COL21A1: variants seen among roughly 807,000 people sequenced by gnomAD.
COL21A1 encodes collagen alpha-1(XXI) chain.
A neutral mutation model predicts 137.9 loss-of-function variants in COL21A1; 149 were observed. The ratio of observed to expected loss-of-function variants is 1.08; its 90% CI spans 0.95 to 1.24. The LOEUF (loss-of-function observed/expected upper bound fraction) is 1.24, where lower values mean the gene tolerates loss of function less well. COL21A1 is among the 50% of genes most tolerant of loss of function. COL21A1 has a pLI of 0.00. For missense variants in COL21A1, 1,167 were observed against 1,158.4 expected (o/e 1.01, Z -0.11); for synonymous variants, 456 against 391.5 (o/e 1.16, Z -1.95).
chr6:56,127,457 C>T (rs1773137633), intron 12 of COL21A1, among the ~76,000 whole-genome samples: 2 of 152,026 alleles, frequency 1.3e-5, no homozygotes, highest in African/African-American at 2.4e-5. Flanking sequence ...ATCTCCTAGA[C>T]CTGTCTCATT....
At chr6:56,274,891 A>C (rs1008179791) in intron 1 of COL21A1, among the ~76,000 whole-genome samples, 4 of 152,150 alleles carry the variant, frequency 2.6e-5, no homozygotes, top group Non-Finnish European at 5.9e-5. Flanking sequence ...CCAAAAAAAA[A>C]GCCCAAAGAG....
chr6:56,126,213 T>C (rs1773042428), intron 12 of COL21A1, 64 bp from the exon 13 acceptor site: 10 of 1,057,278 alleles, frequency 9.5e-6, no homozygotes, highest in Non-Finnish European at 1.4e-5. Flanking sequence ...TATCATCATC[T>C]ATTCTTCAAC....
At chr6:56,301,681 A>G (rs573400208) in intron 1 of COL21A1, among the ~76,000 whole-genome samples, 4 of 151,822 alleles carry the variant, frequency 2.6e-5, no homozygotes, top group African/African-American at 7.2e-5. Context: ...GCCACTAACC[A>G]CATGTGGCTA....
At chr6:56,355,676 G>A (rs535687740) in intron 1 of COL21A1, among the ~76,000 whole-genome samples, 1 of 152,288 alleles carries the variant, frequency 6.6e-6, no homozygotes, top group South Asian at 2.1e-4. Flanking sequence ...TCAGAAACAA[G>A]TTTTTGTAGA....
intron 1 of COL21A1, among the ~76,000 whole-genome samples, chr6:56,234,682 C>T (rs1429955043): frequency 6.6e-6 from 1 of 151,730 alleles, no homozygotes; most frequent in African/African-American, 2.4e-5. Context: ...TAATGACCTC[C>T]TCATTTCCCA....
At chr6:56,257,416 T>C in intron 1 of COL21A1, among the ~76,000 whole-genome samples, 1 of 141,356 alleles carries the variant, frequency 7.1e-6, no homozygotes, top group East Asian at 2.0e-4. Flanking sequence ...TTTAGGAAAA[T>C]ACCCAATAGA....
chr6:56,064,221 A>G (rs937965077), intron 24 of COL21A1, among the ~76,000 whole-genome samples: 1 of 152,074 alleles, frequency 6.6e-6, no homozygotes, highest in Non-Finnish European at 1.5e-5. Context: ...CAAGAAGAAA[A>G]GCAAGACAAA....
chr6:56,311,528 T>C (rs909014035), intron 1 of COL21A1, among the ~76,000 whole-genome samples: 5 of 152,228 alleles, frequency 3.3e-5, no homozygotes, highest in African/African-American at 1.2e-4. Context: ...AATGGACCTG[T>C]AGTACCACTC....
intron 17 of COL21A1, among the ~76,000 whole-genome samples, chr6:56,087,170 A>C (rs1768343665): frequency 6.6e-6 from 1 of 152,166 alleles, no homozygotes; most frequent in Non-Finnish European, 1.5e-5. Context: ...GATCATGTAC[A>C]ACATTTAGAC....
At chr6:56,269,384 G>A (rs1409781416) in intron 1 of COL21A1, among the ~76,000 whole-genome samples, 7 of 152,098 alleles carry the variant, frequency 4.6e-5, no homozygotes, top group African/African-American at 9.7e-5. Context: ...GGCCGGGCGC[G>A]GTGGCTCACG....
rs372849150 is a variant in COL21A1 at position 56,153,814 on chromosome 6, T to C, written c.1434+3073A>G. On this transcript the variant is annotated intron_variant, in intron 10 of 29. Coordinates refer to ENST00000244728, the MANE Select transcript of COL21A1 (RefSeq NM_030820.4). ...ATAAGTCCTTCCCAAATTCCTGGGC[T>C]GGACCCACTTTCTCTTTTTCACCTG... Among the ~76,000 whole-genome samples, 7 of 152,316 alleles carry C rather than the reference T, an allele frequency of 4.6e-5. No homozygotes were observed. The East Asian group carries it at 1.4e-3, about 29-fold the overall frequency.
chr6:56,179,741 T>C lies in COL21A1; in HGVS notation c.477A>G (p.Arg159=). 1 of 1,613,974 alleles carries C rather than the reference T, an allele frequency of 6.2e-7. No individual in the cohort carries two copies. Among genetic ancestry groups the C allele is most frequent in the South Asian group, 1.1e-5 (1 of 91,078 alleles). Residue 159 remains arginine (R), a synonymous_variant, in exon 3 of 30, where the codon AGA becomes AGG. Coordinates refer to ENST00000244728, the MANE Select transcript of COL21A1 (RefSeq NM_030820.4). ...DDVKDAAQAA[R]DSKITLFAIG... is the part of the protein sequence containing the mutation. ...TAGCAAATAATGTTATCTTACTATC[T>C]CTTGCTGCTTGAGCTGCATCCTTGA...
chr6:56,250,122 A>G (rs1329125899), upstream of COL21A1, among the ~76,000 whole-genome samples: 1 of 152,222 alleles, frequency 6.6e-6, no homozygotes, highest in East Asian at 1.9e-4. Flanking sequence ...CCCATTTCCA[A>G]AATATGCCAT....
chr6:56,384,648 T>G (rs906093177), intron 1 of COL21A1, among the ~76,000 whole-genome samples: 2 of 152,204 alleles, frequency 1.3e-5, no homozygotes, highest in Non-Finnish European at 2.9e-5. Flanking sequence ...AACAACAGAT[T>G]CTGTGTAGAA....
chr6:56,393,262 C>T (rs949375267), intron 1 of COL21A1, among the ~76,000 whole-genome samples: 7 of 152,062 alleles, frequency 4.6e-5, no homozygotes, highest in Admixed American at 1.3e-4. Context: ...ACAGTCTCTT[C>T]AATAAATGGT....
chr6:56,074,576 G>A (rs1767043927), intron 19 of COL21A1, among the ~76,000 whole-genome samples: 2 of 151,144 alleles, frequency 1.3e-5, no homozygotes, highest in South Asian at 2.1e-4. Flanking sequence ...AAAATATAAA[G>A]GAAAATTTTT....
chr6:56,270,570 A>G (rs888706708), intron 1 of COL21A1, among the ~76,000 whole-genome samples: 1 of 152,190 alleles, frequency 6.6e-6, no homozygotes, highest in African/African-American at 2.4e-5. Flanking sequence ...AATTGGACCA[A>G]ATAGACATCT....
chr6:56,109,886 A>T (rs2397202), intron 16 of COL21A1, among the ~76,000 whole-genome samples: 1,595 of 152,134 alleles, frequency 0.01, 24 homozygotes, highest in African/African-American at 0.037. Context: ...CACACAACAC[A>T]CCTGCAAAGC....
At chr6:56,213,476 A>G (rs183988278) in intron 1 of COL21A1, among the ~76,000 whole-genome samples, 65 of 151,830 alleles carry the variant, frequency 4.3e-4, no homozygotes, top group Admixed American at 2.3e-3. Context: ...CCCAACAATC[A>G]CTCTCATGGG....
Sources: allele counts gnomAD v4.1 joint callset (sites outside exome capture counted in the v4.1 genomes callset), GRCh38; gene constraint gnomAD v4.1.1; transcripts MANE v1.5; gene names NCBI Gene and HGNC (gene_info 2026-07-23, HGNC 2026-07-21).